Variants in DIP2C observed in about 807,000 individuals in gnomAD.
The protein encoded by DIP2C is disco-interacting protein 2 homolog C.
DIP2C carries 33 observed loss-of-function variants against 192.4 expected under a neutral mutation model. That is an observed-to-expected ratio of 0.17 (90% confidence interval 0.13 to 0.23). The LOEUF is 0.23. Among genes scored for constraint, DIP2C ranks in the 10% least tolerant of loss-of-function variants. The pLI, the probability that DIP2C is intolerant of heterozygous loss-of-function variation, is 1.00. For synonymous variants in DIP2C, 979 were observed against 864.1 expected, an observed-to-expected ratio of 1.13 and a Z score of -2.33; for missense variants, 1,537 against 2,110.1, an observed-to-expected ratio of 0.73 and a Z score of 5.32.
intron 1 of DIP2C, among the ~76,000 whole-genome samples, chr10:602,261 C>T (rs1264953124): frequency 6.6e-6 from 1 of 152,196 alleles, no homozygotes; most frequent in African/African-American, 2.4e-5. Context: ...AGGGTCTCCG[C>T]TTCTTGCACC....
intron 1 of DIP2C, among the ~76,000 whole-genome samples, chr10:521,387 T>A (rs2130817136): frequency 6.6e-6 from 1 of 152,280 alleles, no homozygotes; most frequent in South Asian, 2.1e-4. Context: ...AAGGCCTCAA[T>A]GATAAGGAAA....
chr10:376,353 G>A (rs939849500), intron 17 of DIP2C, among the ~76,000 whole-genome samples: 9 of 152,142 alleles, frequency 5.9e-5, no homozygotes, highest in Non-Finnish European at 8.8e-5. Flanking sequence ...GACGGAGCCG[G>A]CACAGAGCAA....
intron 17 of DIP2C, among the ~76,000 whole-genome samples, chr10:370,623 C>T (rs1245149080): frequency 2.0e-5 from 3 of 152,174 alleles, no homozygotes; most frequent in East Asian, 1.9e-4. Context: ...ACTGAATTTG[C>T]GAACAAATAA....
chr10:520,621 C>A (rs561004144), intron 1 of DIP2C, among the ~76,000 whole-genome samples: 4 of 152,328 alleles, frequency 2.6e-5, no homozygotes, highest in African/African-American at 9.6e-5. Context: ...GAGCAGCTCC[C>A]TGCTCTGCCT....
chr10:288,544 C>A (rs1955282777), intron 32 of DIP2C, 123 bp from the exon 33 acceptor site: 1 of 1,004,512 alleles, frequency 1.0e-6, no homozygotes, highest in East Asian at 2.5e-5. Context: ...CATCATCCAA[C>A]AGCAAGGACG....
rs1402512524 is a variant in DIP2C, at chr10:347,370, G to A, written c.3231+1271C>T. On this transcript the variant is annotated intron_variant, in intron 26 of 36. Coordinates refer to ENST00000280886, the MANE Select transcript of DIP2C (RefSeq NM_014974.3). ...CACACACACCCAACCCAGACACATC[G>A]CGCATAGTTCTCCCGGAAACGTCAC... Among the ~76,000 whole-genome samples the A allele has an allele frequency of 2.7e-3, 360 of 132,446 alleles. 1 individual carries two copies. The highest frequency in any genetic ancestry group is 7.4e-3 in the African/African-American group (245 of 33,044). The allele number at this position is 132,446 out of a possible 152,430, so 86.9% of individuals were successfully genotyped here. A position where few individuals can be genotyped will look rare whatever the true frequency, so the allele number is the denominator to read the frequency against.
chr10:641,746 C>G (rs1368843866), intron 1 of DIP2C: 1 of 154,178 alleles, frequency 6.5e-6, no homozygotes, highest in Non-Finnish European at 1.5e-5. Flanking sequence ...TGGCTCACAC[C>G]TCTTGTCCTT....
chr10:342,556 C>T (rs1310589380), intron 28 of DIP2C, among the ~76,000 whole-genome samples: 2 of 152,228 alleles, frequency 1.3e-5, no homozygotes, highest in Non-Finnish European at 2.9e-5. Context: ...ACGGCTATCT[C>T]CACGGCTGGA....
At chr10:602,020 G>A (rs1225904204) in intron 1 of DIP2C, among the ~76,000 whole-genome samples, 1 of 151,734 alleles carries the variant, frequency 6.6e-6, no homozygotes, top group Non-Finnish European at 1.5e-5. Context: ...CCTTGGTAAA[G>A]GGTCACCTGC....
intron 32 of DIP2C, among the ~76,000 whole-genome samples, chr10:296,906 G>A (rs1427038305): frequency 1.0e-5 from 1 of 98,292 alleles, no homozygotes; most frequent in Non-Finnish European, 1.9e-5. Flanking sequence ...GGGGAGGGGG[G>A]AGGGATAGCA....
intron 18 of DIP2C, among the ~76,000 whole-genome samples, 157 bp from the exon 19 acceptor site, chr10:366,568 TAA>T (rs959574342): frequency 1.3e-5 from 2 of 152,198 alleles, no homozygotes; most frequent in Non-Finnish European, 2.9e-5. Context: ...TCATTTTCCC[TAA>T]AGAGCCATGA....
intron 1 of DIP2C, among the ~76,000 whole-genome samples, chr10:611,968 G>A (rs1853125651): frequency 1.1e-5 from 1 of 94,732 alleles, no homozygotes; most frequent in Non-Finnish European, 2.9e-5. Flanking sequence ...TTTTCAGACA[G>A]CTTTTTTTTA....
intron 17 of DIP2C, among the ~76,000 whole-genome samples, chr10:373,191 G>C (rs961021386): frequency 2.0e-5 from 3 of 152,158 alleles, no homozygotes; most frequent in Non-Finnish European, 4.4e-5. Context: ...GACACTGAGT[G>C]AATCAGTCTA....
At chr10:371,311 G>A (rs1011694890) in intron 17 of DIP2C, among the ~76,000 whole-genome samples, 1 of 152,146 alleles carries the variant, frequency 6.6e-6, no homozygotes, top group East Asian at 1.9e-4. Flanking sequence ...ATCACCCCTT[G>A]TATCTGTGAG....
At chr10:418,177 AC>A (rs1280455778) in intron 6 of DIP2C, among the ~76,000 whole-genome samples, 2 of 47,698 alleles carry the variant, frequency 4.2e-5, no homozygotes, top group Non-Finnish European at 7.1e-5. Context: ...CTCCCTGTCC[AC>A]CTGCACCTGT....
At chr10:306,941 C>T (rs995383194) in intron 32 of DIP2C, among the ~76,000 whole-genome samples, 2 of 152,198 alleles carry the variant, frequency 1.3e-5, no homozygotes, top group South Asian at 2.1e-4. Flanking sequence ...ATGGAGAAGT[C>T]GGAGTCATGC....
intron 29 of DIP2C, among the ~76,000 whole-genome samples, chr10:338,602 T>C (rs567398536): frequency 6.6e-6 from 1 of 152,260 alleles, no homozygotes; most frequent in East Asian, 1.9e-4. Flanking sequence ...GCCAAGTCTG[T>C]GCAAGCAAAC....
At chr10:443,211 C>T (rs1406965068) in intron 3 of DIP2C, among the ~76,000 whole-genome samples, 4 of 152,140 alleles carry the variant, frequency 2.6e-5, no homozygotes, top group African/African-American at 9.7e-5. Flanking sequence ...TTCATCGATC[C>T]TTCACTACTA....
At position 337,024 on chromosome 10, in the gene DIP2C, TGTGTGTGTTGTGGAGGCCTAGACTG is replaced by T. The variant is rs1465623404; in HGVS notation, c.3584+4150_3584+4174del. On this transcript the variant is annotated intron_variant, in intron 29 of 36. Transcript: ENST00000280886. ...AGGCCTAGGCAGCTGTGTGTGTGTG[TGTGTGTGTTGTGGAGGCCTAGACTG>T]GTGTGTGTGTGTGTGTGTGTGTGTT... Among the ~76,000 whole-genome samples, 45 of 99,720 alleles carry T rather than the reference TGTGTGTGTTGTGGAGGCCTAGACTG, an allele frequency of 4.5e-4. 5 individuals carry two copies. Among genetic ancestry groups the T allele is most frequent in the African/African-American group, 1.6e-3 (40 of 24,836 alleles). 65.4% of individuals were successfully genotyped at this position (99,720 alleles called of 152,430 possible). A position where few individuals can be genotyped will look rare whatever the true frequency, so the allele number is the denominator to read the frequency against.
Sources: allele counts gnomAD v4.1 joint callset (sites outside exome capture counted in the v4.1 genomes callset), GRCh38; gene constraint gnomAD v4.1.1; transcripts MANE v1.5; gene names NCBI Gene and HGNC (gene_info 2026-07-23, HGNC 2026-07-21).